GRID1: variants seen among roughly 807,000 people sequenced by gnomAD.
GRID1 encodes glutamate receptor ionotropic, delta-1.
A neutral mutation model predicts 98.0 loss-of-function variants in GRID1; 28 were observed. The ratio of observed to expected loss-of-function variants is 0.29; its 90% CI spans 0.21 to 0.39. The LOEUF is 0.39. Ranked by LOEUF, GRID1 falls within the 10% of genes least tolerant of loss-of-function variation. The pLI is 1.00. For missense variants in GRID1, 1,111 were observed against 1,340.5 expected (o/e 0.83, Z 2.67); for synonymous variants, 553 against 538.5 (o/e 1.03, Z -0.37).
intron 4 of GRID1, among the ~76,000 whole-genome samples, chr10:86,021,062 G>A (rs1162483185): frequency 6.6e-6 from 1 of 151,870 alleles, no homozygotes; most frequent in Admixed American, 6.6e-5. Context: ...CTGCCTGCCT[G>A]CCTGCCTGCC....
intron 3 of GRID1, among the ~76,000 whole-genome samples, chr10:86,172,548 C>T (rs1215217429): frequency 6.6e-6 from 1 of 152,164 alleles, no homozygotes; most frequent in East Asian, 1.9e-4. Context: ...CCTACTTAAT[C>T]CCATGGTATG....
chr10:85,747,534 C>G (rs574752602), intron 8 of GRID1, among the ~76,000 whole-genome samples: 2 of 152,120 alleles, frequency 1.3e-5, no homozygotes, highest in Admixed American at 6.5e-5. Context: ...TTCCTCCTGC[C>G]CCTTCCTCTT....
chr10:86,045,055 A>G (rs1469425461), intron 4 of GRID1, among the ~76,000 whole-genome samples: 1 of 152,232 alleles, frequency 6.6e-6, no homozygotes, highest in Non-Finnish European at 1.5e-5. Flanking sequence ...GCAGCCTGCA[A>G]TTTAGGGGAA....
chr10:85,844,283 G>A (rs1389156725), intron 8 of GRID1, among the ~76,000 whole-genome samples: 2 of 152,198 alleles, frequency 1.3e-5, no homozygotes, highest in East Asian at 3.9e-4. Context: ...AAGAAGGGCA[G>A]GGAGGTATGA....
intron 8 of GRID1, among the ~76,000 whole-genome samples, chr10:85,746,281 TAG>T (rs1233824747): frequency 6.6e-6 from 1 of 152,088 alleles, no homozygotes; most frequent in Non-Finnish European, 1.5e-5. Context: ...TGGGGTCCTT[TAG>T]AGAGGGAGTT....
chr10:85,725,492 T>C (rs1189245114), intron 10 of GRID1, among the ~76,000 whole-genome samples: 1 of 152,102 alleles, frequency 6.6e-6, no homozygotes, highest in Non-Finnish European at 1.5e-5. Flanking sequence ...ATCCAGACTG[T>C]GAGGAGAAAA....
chr10:86,214,008 G>A (rs1434259010), intron 2 of GRID1, among the ~76,000 whole-genome samples: 1 of 151,968 alleles, frequency 6.6e-6, no homozygotes, highest in Non-Finnish European at 1.5e-5. Flanking sequence ...CATCACCTTG[G>A]GCCAGAACAC....
At chr10:85,614,008 G>A (rs979977652) in intron 14 of GRID1, among the ~76,000 whole-genome samples, 3 of 152,196 alleles carry the variant, frequency 2.0e-5, no homozygotes, top group African/African-American at 7.2e-5. Flanking sequence ...AAACATTTAG[G>A]TTGTGGATTT....
intron 6 of GRID1, among the ~76,000 whole-genome samples, chr10:85,868,113 G>A (rs1843239106): frequency 6.6e-6 from 1 of 152,168 alleles, no homozygotes; most frequent in Non-Finnish European, 1.5e-5. Flanking sequence ...TGCCTGGCTG[G>A]GTAAAGATGG....
At chr10:85,880,491 C>T (rs1449847996) in intron 5 of GRID1, among the ~76,000 whole-genome samples, 7 of 152,100 alleles carry the variant, frequency 4.6e-5, no homozygotes, top group Admixed American at 3.9e-4. Flanking sequence ...TAAATGTAAT[C>T]CAGAATATAA....
chr10:85,912,876 T>C (rs1192691966), intron 5 of GRID1, among the ~76,000 whole-genome samples: 1 of 152,220 alleles, frequency 6.6e-6, no homozygotes, highest in Non-Finnish European at 1.5e-5. Flanking sequence ...TGAGAAACCA[T>C]TTGTCTGTGG....
intron 4 of GRID1, among the ~76,000 whole-genome samples, chr10:86,129,840 A>G (rs925779794): frequency 2.6e-5 from 4 of 152,212 alleles, no homozygotes; most frequent in East Asian, 1.9e-4. Context: ...GCAGTCTTCC[A>G]TCTAGAGGAG....
intron 8 of GRID1, among the ~76,000 whole-genome samples, chr10:85,817,821 G>A (rs951815520): frequency 6.6e-6 from 1 of 152,038 alleles, no homozygotes; most frequent in Non-Finnish European, 1.5e-5. Context: ...AACCCAGGAG[G>A]CAGAGGTTGC....
rs771855407 is a variant in GRID1, at chr10:86,365,958, G to GC, written c.79+355dup. On this transcript the variant is annotated intron_variant, in intron 1 of 15. Transcript: ENST00000327946. The surrounding 1 kb of genome is among the most constrained non-coding windows in gnomAD (Gnocchi z 4.8). ...CGAGCCCCCCGCTGTACCTCCCCCT[G>GC]CCCCCCGCTGCTCTGAGCTGCGCAG... Among the ~76,000 whole-genome samples the GC allele has an allele frequency of 6.0e-4, 90 of 150,244 alleles. No homozygotes were observed. Among genetic ancestry groups the GC allele is most frequent in the Non-Finnish European group, 1.2e-3 (78 of 67,202 alleles).
chr10:86,196,649 A>G (rs868489204), intron 3 of GRID1, among the ~76,000 whole-genome samples: 6 of 152,100 alleles, frequency 3.9e-5, no homozygotes, highest in Non-Finnish European at 5.9e-5. Flanking sequence ...TTTTGTAGTC[A>G]TTCTTGACTT....
At chr10:86,198,733 C>T (rs538302201) in intron 3 of GRID1, among the ~76,000 whole-genome samples, 89 of 152,272 alleles carry the variant, frequency 5.8e-4, no homozygotes, top group African/African-American at 2.0e-3. Flanking sequence ...AACTATTAAA[C>T]GCAAAGGTTA....
chr10:86,213,961 A>G (rs1846141652), intron 2 of GRID1, among the ~76,000 whole-genome samples: 1 of 151,982 alleles, frequency 6.6e-6, no homozygotes, highest in African/African-American at 2.4e-5. Context: ...TCTCCCAAAT[A>G]TATCTTGAGC....
At chr10:85,799,618 C>A (rs1842557530) in intron 8 of GRID1, among the ~76,000 whole-genome samples, 1 of 151,986 alleles carries the variant, frequency 6.6e-6, no homozygotes, top group African/African-American at 2.4e-5. Flanking sequence ...ATAAGCCAAG[C>A]ACAGGAAAAA....
intron 6 of GRID1, among the ~76,000 whole-genome samples, chr10:85,858,403 C>G (rs73340512): frequency 6.6e-6 from 1 of 152,170 alleles, no homozygotes; most frequent in African/African-American, 2.4e-5. Context: ...AGCTCACCCC[C>G]TCACTGCACA....
Sources: gnomAD v4.1 joint callset for allele counts (sites outside exome capture counted in the v4.1 genomes callset) on GRCh38, gnomAD v4.1.1 for gene constraint, Gnocchi (gnomAD v3.1) non-coding constraint, MANE v1.5 for transcripts, NCBI Gene and HGNC (gene_info 2026-07-23, HGNC 2026-07-21) for gene names.